CDH9: variants seen among roughly 807,000 people sequenced by gnomAD.
The protein encoded by CDH9 is cadherin-9.
Under a neutral mutation model 70.9 loss-of-function variants are expected in CDH9, and 28 were observed. The observed-to-expected ratio is 0.40, with a 90% confidence interval of 0.29 to 0.54. The LOEUF is 0.54. Among genes scored for constraint, CDH9 ranks in the 20% least tolerant of loss-of-function variants. The pLI is 0.59. For synonymous variants in CDH9, 409 were observed against 343.1 expected (o/e 1.19, Z -2.12); for missense variants, 874 against 984.4 (o/e 0.89, Z 1.50).
At chr5:26,980,052 C>G (rs767862666) in intron 2 of CDH9, among the ~76,000 whole-genome samples, 1 of 151,622 alleles carries the variant, frequency 6.6e-6, no homozygotes, top group Non-Finnish European at 1.5e-5. Flanking sequence ...CTATACCCAG[C>G]AAGTATGTAA....
chr5:27,031,664 T>C lies in CDH9; in HGVS notation c.-50+6799A>G, dbSNP rs897693087. 2.6e-5 allele frequency among the ~76,000 whole-genome samples: 4 copies of C among 151,914 alleles called. No individual in the cohort carries two copies. The South Asian group carries it at 6.2e-4, about 24-fold the overall frequency. On this transcript the variant is annotated intron_variant, in intron 1 of 11. Transcript: ENST00000231021. ...AGGGTTGCAGTGATCCCAAAGCCAA[T>C]GCTTTATCTGTCAACTAGCAAACTT...
chr5:26,937,756 C>T (rs1020049154), intron 2 of CDH9, among the ~76,000 whole-genome samples: 2 of 151,994 alleles, frequency 1.3e-5, no homozygotes, highest in Non-Finnish European at 2.9e-5. Context: ...AATTATATGA[C>T]ATCTGGGAAA....
Position 26,915,915 on chromosome 5 carries a change from C to A in CDH9, c.238G>T (p.Asp80Tyr). ...AAATTTCCATCTCCTTTATCTTGGT[C>A]AGTGTGAAGCTTTAGAGAGGTAGAA... ...DTQYVGKLHT[D>Y]QDKGDGNLKY... Residue 80 changes from aspartate (D) to tyrosine (Y), a missense_variant, in exon 3 of 12, where the codon GAC (aspartate) becomes TAC (tyrosine). Transcript: ENST00000231021. 1 of 1,601,036 alleles carries A rather than the reference C, an allele frequency of 6.2e-7. No individual in the cohort carries two copies. Among genetic ancestry groups the A allele is most frequent in the South Asian group, 1.1e-5 (1 of 90,058 alleles).
chr5:27,004,829 T>G (rs528391191), intron 1 of CDH9, among the ~76,000 whole-genome samples: 1 of 152,238 alleles, frequency 6.6e-6, no homozygotes, highest in African/African-American at 2.4e-5. Context: ...CAAACATGCA[T>G]TTGGATAATG....
Position 26,897,211 on chromosome 5 carries a change from A to G in CDH9, c.1253+5265T>C, listed in dbSNP as rs537819284. 1.2e-3 allele frequency among the ~76,000 whole-genome samples: 186 copies of G among 152,218 alleles called. 2 individuals carry two copies. The highest frequency in any genetic ancestry group is 4.3e-3 in the African/African-American group (180 of 41,560). On this transcript the variant is annotated intron_variant, in intron 7 of 11. Coordinates refer to ENST00000231021, the MANE Select transcript of CDH9 (RefSeq NM_016279.4). ...CAACAAAAAAAAAGCCCAAGAACAGACGGATTCACAGCCAAATTTTACCAG... is the reference window on the plus strand; with the variant it reads ...CAACAAAAAAAAAGCCCAAGAACAGGCGGATTCACAGCCAAATTTTACCAG...
chr5:27,035,264 T>C (rs527731057), intron 1 of CDH9, among the ~76,000 whole-genome samples: 1 of 151,010 alleles, frequency 6.6e-6, no homozygotes, highest in Non-Finnish European at 1.5e-5. Context: ...AAATTAAAGA[T>C]GGAGAGAGTT....
chr5:27,007,810 A>G lies in CDH9; in HGVS notation c.-49-19428T>C, dbSNP rs541981403. On this transcript the variant is annotated intron_variant, in intron 1 of 11. Coordinates refer to ENST00000231021, the MANE Select transcript of CDH9 (RefSeq NM_016279.4). Reference sequence around the variant, plus strand: ...TTAGTATAATATTTGTTTTCTACTGATGATAAATTCATGGATATTTCTCAT... The same window carrying G: ...TTAGTATAATATTTGTTTTCTACTGGTGATAAATTCATGGATATTTCTCAT... Among the ~76,000 whole-genome samples, 4 of 152,154 alleles carry G rather than the reference A, an allele frequency of 2.6e-5. No individual in the cohort carries two copies. The East Asian group carries it at 7.7e-4, about 29-fold the overall frequency.
At chr5:26,936,469 A>G (rs1330602103) in intron 2 of CDH9, among the ~76,000 whole-genome samples, 1 of 152,166 alleles carries the variant, frequency 6.6e-6, no homozygotes, top group African/African-American at 2.4e-5. Context: ...AGGACCACTC[A>G]GTATTTTAAA....
intron 2 of CDH9, among the ~76,000 whole-genome samples, chr5:26,941,074 T>C (rs1412100778): frequency 6.6e-6 from 1 of 152,192 alleles, no homozygotes; most frequent in Non-Finnish European, 1.5e-5. Flanking sequence ...CACATAAACA[T>C]ACCATCTTAT....
At chr5:26,915,407 G>C (rs1741130980) in intron 3 of CDH9, among the ~76,000 whole-genome samples, 1 of 151,860 alleles carries the variant, frequency 6.6e-6, no homozygotes, top group South Asian at 2.1e-4. Flanking sequence ...GAAATAAAAT[G>C]AATTAACTGC....
At chr5:27,033,714 T>C (rs1403640361) in intron 1 of CDH9, among the ~76,000 whole-genome samples, 1 of 151,620 alleles carries the variant, frequency 6.6e-6, no homozygotes, top group Non-Finnish European at 1.5e-5. Flanking sequence ...ATGGGAATAT[T>C]TTTAAACATA....
chr5:26,884,186 G>A (rs1740521988), intron 11 of CDH9, among the ~76,000 whole-genome samples: 1 of 152,028 alleles, frequency 6.6e-6, no homozygotes, highest in Admixed American at 6.6e-5. Context: ...GAACAGAAGA[G>A]GAAACCTTCT....
chr5:26,905,523 G>T (rs190706224), intron 5 of CDH9, among the ~76,000 whole-genome samples: 1 of 152,086 alleles, frequency 6.6e-6, no homozygotes, highest in Admixed American at 6.6e-5. Flanking sequence ...ATAAGTCTGC[G>T]TGTAAAACAA....
Position 26,965,993 on chromosome 5 carries a change from T to C in CDH9, c.228+22113A>G, listed in dbSNP as rs188873920. ...TTATATTATATAGTATTTTTCACAA[T>C]GGAAATTTGAGGCTATAAACCTGTG... On this transcript the variant is annotated intron_variant, in intron 2 of 11. Transcript: ENST00000231021. Among the ~76,000 whole-genome samples the C allele has an allele frequency of 1.7e-3, 253 of 152,326 alleles. 1 individual carries two copies. Among genetic ancestry groups the C allele is most frequent in the South Asian group, 2.7e-3 (13 of 4,834 alleles).
intron 9 of CDH9, among the ~76,000 whole-genome samples, chr5:26,888,573 G>T (rs981290469): frequency 6.6e-6 from 1 of 152,180 alleles, no homozygotes; most frequent in Non-Finnish European, 1.5e-5. Flanking sequence ...AAATAGCTAT[G>T]TGAAAATTCC....
At chr5:26,909,489 G>T (rs1741010036) in intron 3 of CDH9, among the ~76,000 whole-genome samples, 1 of 149,882 alleles carries the variant, frequency 6.7e-6, no homozygotes, top group Non-Finnish European at 1.5e-5. Context: ...TTTATATATT[G>T]CATCTCATAT....
Position 26,988,267 on chromosome 5 carries a change from G to C in CDH9, c.67C>G (p.Leu23Val), listed in dbSNP as rs767592770. 6.2e-7 allele frequency: 1 copy of C among 1,613,346 alleles called. No homozygotes were observed. Among genetic ancestry groups the C allele is most frequent in the South Asian group, 1.1e-5 (1 of 91,066 alleles). Reference protein sequence around the residue: ...TYMFHTVDTILLQEKPNSYLS... With the variant: ...TYMFHTVDTIVLQEKPNSYLS... ...TAACTGTTAGGTTTTTCTTGTAATA[G>C]GATGGTGTCAACTGTATGGAACATA... Residue 23 changes from leucine to valine, a missense_variant, in exon 2 of 12, where the codon CTA becomes GTA. By Grantham distance (32) the Leu-to-Val change is conservative. Transcript: ENST00000231021.
chr5:26,907,881 C>G (rs1740977604), intron 3 of CDH9, among the ~76,000 whole-genome samples: 1 of 151,994 alleles, frequency 6.6e-6, no homozygotes. Flanking sequence ...TTGGCCCTAC[C>G]ACCTAATTTA....
chr5:26,976,834 T>C (rs1224961107), intron 2 of CDH9, among the ~76,000 whole-genome samples: 1 of 152,130 alleles, frequency 6.6e-6, no homozygotes, highest in Non-Finnish European at 1.5e-5. Flanking sequence ...TTAATTTATA[T>C]CTTCTCTTAT....
Sources: allele counts gnomAD v4.1 joint callset (sites outside exome capture counted in the v4.1 genomes callset), GRCh38; gene constraint gnomAD v4.1.1; transcripts MANE v1.5; gene names NCBI Gene and HGNC (gene_info 2026-07-23, HGNC 2026-07-21).